The following ZPBP variants were observed in gnomAD, a reference collection of about 807,000 sequenced individuals.
The protein encoded by ZPBP is zona pellucida-binding protein 1.
Under a neutral mutation model 44.8 loss-of-function variants are expected in ZPBP, and 26 were observed. The ratio of observed to expected loss-of-function variants is 0.58; its 90% CI spans 0.43 to 0.81. ZPBP has a LOEUF of 0.81. ZPBP is among the 30% of genes least tolerant of loss of function. ZPBP has a pLI of 0.00. For missense variants in ZPBP, 409 were observed against 434.0 expected, an observed-to-expected ratio of 0.94 and a Z score of 0.51; for synonymous variants, 174 against 153.2, an observed-to-expected ratio of 1.14 and a Z score of -1.00.
At chr7:49,924,578 C>T (rs1401351974) in intron 1 of ZPBP, among the ~76,000 whole-genome samples, 4 of 151,948 alleles carry the variant, frequency 2.6e-5, no homozygotes, top group Admixed American at 1.3e-4. Context: ...ACCTGTGGTC[C>T]CAGCTACTCA....
chr7:49,980,351 T>C (rs2128777557), intron 7 of ZPBP, among the ~76,000 whole-genome samples: 1 of 138,500 alleles, frequency 7.2e-6, no homozygotes, highest in South Asian at 2.2e-4. Context: ...ATACATAATA[T>C]AAAAATTAAT....
At chr7:49,922,248 ATG>A (rs1794049355) in intron 1 of ZPBP, among the ~76,000 whole-genome samples, 1 of 152,240 alleles carries the variant, frequency 6.6e-6, no homozygotes, top group African/African-American at 2.4e-5. Context: ...CTAAAAGTAA[ATG>A]TAATGATTAT....
intron 7 of ZPBP, among the ~76,000 whole-genome samples, chr7:49,940,353 A>T (rs1794821408): frequency 6.6e-6 from 1 of 152,162 alleles, no homozygotes; most frequent in Non-Finnish European, 1.5e-5. Flanking sequence ...CATATAAATC[A>T]ATTAGAAAAA....
intron 7 of ZPBP, among the ~76,000 whole-genome samples, chr7:49,968,415 C>A (rs1796150518): frequency 6.6e-6 from 1 of 151,794 alleles, no homozygotes; most frequent in African/African-American, 2.4e-5. Flanking sequence ...GAGATGATTC[C>A]AAAATTTATC....
At chr7:50,047,407 G>A (rs1800427676) in intron 4 of ZPBP, among the ~76,000 whole-genome samples, 1 of 151,970 alleles carries the variant, frequency 6.6e-6, no homozygotes, top group African/African-American at 2.4e-5. Context: ...ATACCAAAAA[G>A]TCAAGGGTCA....
At chr7:49,986,928 T>G (rs568740965) in intron 6 of ZPBP, among the ~76,000 whole-genome samples, 11 of 152,258 alleles carry the variant, frequency 7.2e-5, no homozygotes, top group African/African-American at 2.6e-4. Context: ...AGTGGCAAAC[T>G]TCGCTGCAGG....
intron 2 of ZPBP, among the ~76,000 whole-genome samples, chr7:49,866,623 A>G (rs1790904002): frequency 6.6e-6 from 1 of 152,220 alleles, no homozygotes; most frequent in Non-Finnish European, 1.5e-5. Context: ...GAAATGCAAC[A>G]TCCTGTCACA....
chr7:49,958,808 T>C (rs189122378), intron 7 of ZPBP, among the ~76,000 whole-genome samples: 1 of 152,282 alleles, frequency 6.6e-6, no homozygotes. Flanking sequence ...GACAAAATAA[T>C]ATCAATCCTA....
intron 3 of ZPBP, among the ~76,000 whole-genome samples, chr7:50,069,477 A>T (rs1801720262): frequency 6.6e-6 from 1 of 152,176 alleles, no homozygotes; most frequent in African/African-American, 2.4e-5. Flanking sequence ...GTCAATACAA[A>T]GACTAGGTCT....
intron 2 of ZPBP, among the ~76,000 whole-genome samples, chr7:49,855,509 G>C (rs1431650253): frequency 3.9e-5 from 6 of 152,158 alleles, no homozygotes. Flanking sequence ...CAGATGTTGT[G>C]GAGAGAGGTA....
At chr7:49,974,673 GA>G (rs1796426950) in intron 7 of ZPBP, among the ~76,000 whole-genome samples, 1 of 151,948 alleles carries the variant, frequency 6.6e-6, no homozygotes, top group Non-Finnish European at 1.5e-5. Flanking sequence ...AAACAACACA[GA>G]AACAATTGTC....
At chr7:50,000,883 T>C (rs988553207) in intron 6 of ZPBP, among the ~76,000 whole-genome samples, 2 of 152,032 alleles carry the variant, frequency 1.3e-5, no homozygotes, top group East Asian at 1.9e-4. Context: ...GCAAAAGATA[T>C]AGGCCTTTAA....
At chr7:50,092,937 T>G in intron 1 of ZPBP, 131 bp downstream of exon 1, 1 of 1,340,912 alleles carries the variant, frequency 7.5e-7, no homozygotes, top group South Asian at 1.6e-5. Context: ...AATAAGCCTT[T>G]CTTGTCACGT....
chr7:49,844,095 G>A, the ZPBP span, among the ~76,000 whole-genome samples: 340 of 152,320 alleles, frequency 2.2e-3, no homozygotes, highest in Middle Eastern at 6.8e-3. Context: ...TGCAGGAGAG[G>A]ATGGCAACAG....
chr7:49,967,798 G>T (rs1158614734), intron 7 of ZPBP, among the ~76,000 whole-genome samples: 1 of 152,106 alleles, frequency 6.6e-6, no homozygotes, highest in African/African-American at 2.4e-5. Flanking sequence ...TGCCCGCCTT[G>T]GCCTCCCAAA....
At chr7:50,060,524 T>C (rs1249484992) in intron 3 of ZPBP, among the ~76,000 whole-genome samples, 8 of 152,042 alleles carry the variant, frequency 5.3e-5, no homozygotes, top group Non-Finnish European at 1.2e-4. Flanking sequence ...TCAGAGACTA[T>C]TACAAATATG....
At chr7:50,055,842 A>C (rs1348687692) in intron 4 of ZPBP, among the ~76,000 whole-genome samples, 2 of 152,208 alleles carry the variant, frequency 1.3e-5, no homozygotes, top group African/African-American at 4.8e-5. Flanking sequence ...GCATATGTGA[A>C]TATGTACTTA....
chr7:49,893,477 A>C (rs1792231945), intron 2 of ZPBP, among the ~76,000 whole-genome samples: 1 of 152,204 alleles, frequency 6.6e-6, no homozygotes, highest in Non-Finnish European at 1.5e-5. Flanking sequence ...TCCCTCTTTA[A>C]AAACTTTTGC....
chr7:49,919,407 T>C (rs1428358775), intron 1 of ZPBP: 2 of 152,152 alleles, frequency 1.3e-5, no homozygotes, highest in South Asian at 4.1e-4. Flanking sequence ...TTTATACTTT[T>C]AAGCAAAATT....
Sources: gnomAD v4.1 joint callset for allele counts (sites outside exome capture counted in the v4.1 genomes callset) on GRCh38, gnomAD v4.1.1 for gene constraint, MANE v1.5 for transcripts, NCBI Gene and HGNC (gene_info 2026-07-23, HGNC 2026-07-21) for gene names.